Variants in MTSS1 observed in about 807,000 individuals in gnomAD.
The protein encoded by MTSS1 is MTSS I-BAR domain containing 1.
In MTSS1, 18 loss-of-function variants were observed where a neutral mutation model predicts 79.0. The ratio of observed to expected loss-of-function variants is 0.23; its 90% confidence interval spans 0.16 to 0.34. The LOEUF is 0.34. Among genes scored for constraint, MTSS1 ranks in the 10% least tolerant of loss-of-function variants. MTSS1 has a pLI of 1.00. For missense variants in MTSS1, 815 were observed against 986.2 expected, an observed-to-expected ratio of 0.83 and a Z score of 2.33; for synonymous variants, 341 against 368.6, an observed-to-expected ratio of 0.93 and a Z score of 0.86.
At chr8:124,677,729 G>A (rs1398734489) in intron 3 of MTSS1, among the ~76,000 whole-genome samples, 5 of 152,050 alleles carry the variant, frequency 3.3e-5, no homozygotes, top group East Asian at 3.9e-4. Flanking sequence ...TGCATAAACC[G>A]GAAAAGAACA....
intron 5 of MTSS1, among the ~76,000 whole-genome samples, chr8:124,588,866 C>G (rs1431226131): frequency 1.3e-5 from 2 of 151,926 alleles, no homozygotes; most frequent in African/African-American, 4.8e-5. Context: ...AGGCATGCAC[C>G]ACCACACCTG....
chr8:124,669,132 C>T (rs1383242890), intron 3 of MTSS1, among the ~76,000 whole-genome samples: 1 of 152,212 alleles, frequency 6.6e-6, no homozygotes, highest in Non-Finnish European at 1.5e-5. Flanking sequence ...ACCACCTACA[C>T]ACACCAAAAA....
chr8:124,634,206 C>G lies in MTSS1; in HGVS notation c.209-42971G>C, dbSNP rs575983881. On this transcript the variant is annotated intron_variant, in intron 3 of 13. Coordinates refer to ENST00000518547, the MANE Select transcript of MTSS1 (RefSeq NM_014751.6). ...GTCACTGCAGCCACAACCTCCTGGGCGCAAGCAATCCTCCCACCTGAACCT... is the reference window on the plus strand; with the variant it reads ...GTCACTGCAGCCACAACCTCCTGGGGGCAAGCAATCCTCCCACCTGAACCT... Among the ~76,000 whole-genome samples, 7 of 151,534 alleles carry G rather than the reference C, an allele frequency of 4.6e-5. No homozygotes were observed. In the South Asian group the frequency reaches 1.5e-3, roughly 32 times the overall value.
intron 6 of MTSS1, among the ~76,000 whole-genome samples, chr8:124,575,450 G>T (rs1406134702): frequency 6.6e-6 from 1 of 152,156 alleles, no homozygotes; most frequent in African/African-American, 2.4e-5. Flanking sequence ...TCAGAACAAC[G>T]CCCGGCACGT....
chr8:124,675,495 A>AT (rs1481027779), intron 3 of MTSS1, among the ~76,000 whole-genome samples: 1 of 152,214 alleles, frequency 6.6e-6, no homozygotes, highest in African/African-American at 2.4e-5. Flanking sequence ...TGTGTTTTAT[A>AT]TTTTGAAGTG....
intron 3 of MTSS1, among the ~76,000 whole-genome samples, chr8:124,630,073 T>A (rs1405893623): frequency 6.6e-6 from 1 of 152,254 alleles, no homozygotes. Flanking sequence ...ATAATTCATC[T>A]TGTAAAATTG....
chr8:124,554,671 C>T (rs1823204490), intron 13 of MTSS1, among the ~76,000 whole-genome samples: 1 of 152,198 alleles, frequency 6.6e-6, no homozygotes, highest in African/African-American at 2.4e-5. Context: ...TACACTCTAA[C>T]ACACTTAGGT....
chr8:124,583,864 T>C (rs1262614925), intron 6 of MTSS1, among the ~76,000 whole-genome samples: 4 of 152,200 alleles, frequency 2.6e-5, no homozygotes, highest in African/African-American at 9.7e-5. Flanking sequence ...GTCACTAAAA[T>C]GTTACTATGT....
intron 3 of MTSS1, among the ~76,000 whole-genome samples, chr8:124,685,450 G>C (rs1284379469): frequency 6.6e-6 from 1 of 152,232 alleles, no homozygotes; most frequent in Admixed American, 6.5e-5. Context: ...ACAGTGCTAC[G>C]ACAGCGAAGC....
intron 4 of MTSS1, among the ~76,000 whole-genome samples, chr8:124,590,042 A>G (rs1270237521): frequency 6.6e-6 from 1 of 152,218 alleles, no homozygotes; most frequent in Non-Finnish European, 1.5e-5. Context: ...ATTTTAGTAG[A>G]GATGGGTTTT....
At position 124,568,360 on chromosome 8, in the gene MTSS1, G is replaced by A; in HGVS notation, c.618+19C>T. 6.2e-7 allele frequency: 1 copy of A among 1,608,724 alleles called. No homozygotes were observed. The highest frequency in any genetic ancestry group is 8.5e-7 in the Non-Finnish European group (1 of 1,176,122). On this transcript the variant is annotated intron_variant, in intron 7 of 13. Transcript: ENST00000518547. ...CTACACCAGCAGTTTAAACCTTCTG[G>A]AGTTTTCCATTAACTTACAATCACT...
intron 3 of MTSS1, among the ~76,000 whole-genome samples, chr8:124,690,170 C>T (rs898204394): frequency 2.6e-5 from 4 of 152,210 alleles, no homozygotes; most frequent in African/African-American, 9.7e-5. Context: ...CCCGCCGCCG[C>T]CACCACCATC....
In MTSS1 at chr8:124,553,347, T is replaced by G; in HGVS notation, c.1913A>C (p.Glu638Ala). The G allele has an allele frequency of 6.2e-7, 1 of 1,612,972 alleles. No individual in the cohort carries two copies. The highest frequency in any genetic ancestry group is 8.5e-7 in the Non-Finnish European group (1 of 1,179,068). ...GVLPAPPDGP[E>A]ERGEHSPESP... ...CTCAGGGCTGTGCTCCCCCCGCTCT[T>G]CTGGCCCATCTGGAGGGGCTGGCAA... Residue 638 changes from glutamate (E) to alanine (A), a missense_variant, in exon 14 of 14, where the codon GAA becomes GCA. Around this residue, in one of 2 missense-constraint regions of MTSS1, gnomAD observed 590 missense variants for 620.8 expected, o/e 0.95. Transcript: ENST00000518547. This position sits in a 1 kb window ranked among gnomAD's most constrained non-coding sequence, Gnocchi z 6.0.
chr8:124,667,654 A>AAAAT (rs745804177), intron 3 of MTSS1, among the ~76,000 whole-genome samples: 13 of 152,168 alleles, frequency 8.5e-5, no homozygotes, highest in Non-Finnish European at 1.8e-4. Context: ...CAAAAAATAA[A>AAAAT]AAATAAATAA....
intron 3 of MTSS1, among the ~76,000 whole-genome samples, chr8:124,611,928 A>G (rs1835890203): frequency 6.6e-6 from 1 of 152,160 alleles, no homozygotes; most frequent in South Asian, 2.1e-4. Flanking sequence ...CCCAGAACCA[A>G]AGCTTACCCC....
At chr8:124,562,678 G>A in intron 10 of MTSS1, 104 bp downstream of exon 10, 1 of 1,086,038 alleles carries the variant, frequency 9.2e-7, no homozygotes, top group Non-Finnish European at 1.4e-6. Context: ...TCAAGTCAGT[G>A]GGCAGGGGAT....
At chr8:124,631,793 G>A (rs76725803) in intron 3 of MTSS1, among the ~76,000 whole-genome samples, 4,256 of 152,252 alleles carry the variant, frequency 0.028, 172 homozygotes, top group African/African-American at 0.097. Context: ...GCTCTCCACT[G>A]CTTACAGAAT....
chr8:124,570,303 C>T (rs978722756), intron 6 of MTSS1, among the ~76,000 whole-genome samples: 1 of 152,130 alleles, frequency 6.6e-6, no homozygotes, highest in Non-Finnish European at 1.5e-5. Context: ...CAAGTGAGTA[C>T]AAATGTGTAG....
intron 3 of MTSS1, among the ~76,000 whole-genome samples, chr8:124,613,007 T>G (rs182222633): frequency 6.6e-6 from 1 of 152,216 alleles, no homozygotes; most frequent in African/African-American, 2.4e-5. Flanking sequence ...CAGGGGCATT[T>G]CTGTGGCCCT....
Sources: allele counts gnomAD v4.1 joint callset (sites outside exome capture counted in the v4.1 genomes callset), GRCh38; gene constraint gnomAD v4.1.1; regional missense constraint gnomAD v4.1.1; non-coding constraint Gnocchi (gnomAD v3.1); transcripts MANE v1.5; gene names NCBI Gene and HGNC (gene_info 2026-07-23, HGNC 2026-07-21).